CACNA1E: variants seen among roughly 807,000 people sequenced by gnomAD.
CACNA1E encodes the protein voltage-dependent R-type calcium channel subunit alpha-1E.
In CACNA1E, 40 loss-of-function variants were observed where a neutral mutation model predicts 259.2. The ratio of observed to expected loss-of-function variants is 0.15; its 90% confidence interval spans 0.12 to 0.20. The LOEUF is 0.20. Among genes scored for constraint, CACNA1E ranks in the 10% least tolerant of loss-of-function variants. CACNA1E has a pLI of 1.00. For missense variants in CACNA1E, 1,874 were observed against 3,040.1 expected (o/e 0.62, Z 9.02); for synonymous variants, 1,104 against 1,138.5 (o/e 0.97, Z 0.61).
At chr1:181,339,152 A>G (rs552030135) in intron 1 of CACNA1E, among the ~76,000 whole-genome samples, 47 of 152,254 alleles carry the variant, frequency 3.1e-4, no homozygotes, top group African/African-American at 1.0e-3. Context: ...AGGATCTTAT[A>G]TGATTCCATA....
At position 181,776,974 on chromosome 1, in the gene CACNA1E, C is replaced by T. The variant is rs1175450632; in HGVS notation, c.5267+746C>T. Among the ~76,000 whole-genome samples the T allele has an allele frequency of 2.0e-5, 3 of 152,166 alleles. No homozygotes were observed. On this transcript the variant is annotated intron_variant, in intron 38 of 47. Coordinates refer to ENST00000367573, the MANE Select transcript of CACNA1E (RefSeq NM_001205293.3). This position sits in a 1 kb window ranked among gnomAD's most constrained non-coding sequence, Gnocchi z 4.4. Reference sequence around the variant, plus strand: ...ATTGTCTCTGGCTGCTTACATACTACAAGGAAGAGGTGAGTGATTGTGACA... The same window carrying T: ...ATTGTCTCTGGCTGCTTACATACTATAAGGAAGAGGTGAGTGATTGTGACA...
At chr1:181,462,386 G>C (rs1661876760) in intron 2 of CACNA1E, among the ~76,000 whole-genome samples, 1 of 152,186 alleles carries the variant, frequency 6.6e-6, no homozygotes, top group African/African-American at 2.4e-5. Context: ...CAGTGAATGA[G>C]ATTGCACTCA....
At chr1:181,674,819 G>T (rs115316858) in intron 7 of CACNA1E, among the ~76,000 whole-genome samples, 1 of 152,156 alleles carries the variant, frequency 6.6e-6, no homozygotes, top group Admixed American at 6.5e-5. Context: ...GACCAAACAA[G>T]CATTTCACCT....
intron 2 of CACNA1E, among the ~76,000 whole-genome samples, chr1:181,433,590 AT>A (rs1156405844): frequency 6.6e-6 from 1 of 152,236 alleles, no homozygotes; most frequent in Non-Finnish European, 1.5e-5. Flanking sequence ...AAAATCACTC[AT>A]AATCCACTCA....
chr1:181,697,692 C>T (rs564867952), intron 7 of CACNA1E, among the ~76,000 whole-genome samples: 10 of 152,290 alleles, frequency 6.6e-5, no homozygotes, highest in Admixed American at 5.2e-4. Flanking sequence ...AAAATACAGC[C>T]ATCAATTTTT....
intron 2 of CACNA1E, among the ~76,000 whole-genome samples, chr1:181,415,034 T>A (rs1658160268): frequency 6.6e-6 from 1 of 152,152 alleles, no homozygotes; most frequent in Admixed American, 6.5e-5. Flanking sequence ...GAAAGACAAG[T>A]AGGAGGGAGT....
intron 1 of CACNA1E, among the ~76,000 whole-genome samples, chr1:181,376,625 T>C (rs1172122906): frequency 6.6e-6 from 1 of 152,170 alleles, no homozygotes; most frequent in Non-Finnish European, 1.5e-5. Flanking sequence ...TGGCTCCCAC[T>C]GTCTGTCTTG....
chr1:181,795,550 C>G (rs945968978), intron 46 of CACNA1E, among the ~76,000 whole-genome samples: 4 of 151,702 alleles, frequency 2.6e-5, no homozygotes, highest in African/African-American at 9.7e-5. Context: ...ACACCATTCT[C>G]CTGCCTCAGC....
chr1:181,328,240 C>T (rs1367920734), intron 1 of CACNA1E, among the ~76,000 whole-genome samples: 1 of 152,074 alleles, frequency 6.6e-6, no homozygotes, highest in Non-Finnish European at 1.5e-5. Context: ...TCGCTGTGTC[C>T]TCACATGGTG....
chr1:181,761,875 C>T (rs1658609573), intron 32 of CACNA1E, among the ~76,000 whole-genome samples: 1 of 152,176 alleles, frequency 6.6e-6, no homozygotes, highest in Non-Finnish European at 1.5e-5. Context: ...TCTCCTTCAG[C>T]CCACTCATTG....
intron 1 of CACNA1E, among the ~76,000 whole-genome samples, chr1:181,509,877 G>C (rs1666018677): frequency 1.3e-5 from 2 of 152,212 alleles, no homozygotes; most frequent in African/African-American, 4.8e-5. Flanking sequence ...CCTTCCCCCA[G>C]AAGTACATTG....
At chr1:181,796,484 C>A (rs1661814633) in intron 46 of CACNA1E, among the ~76,000 whole-genome samples, 184 bp from the exon 47 acceptor site, 1 of 152,162 alleles carries the variant, frequency 6.6e-6, no homozygotes, top group East Asian at 1.9e-4. Flanking sequence ...TGCCCTGCCT[C>A]CTAATACCAT....
At position 181,722,277 on chromosome 1, in the gene CACNA1E, AGT is replaced by A. The variant is rs1654481755; in HGVS notation, c.2074+405_2074+406del. Among the ~76,000 whole-genome samples, 4 of 152,240 alleles carry A rather than the reference AGT, an allele frequency of 2.6e-5. 1 individual carries two copies. The highest frequency in any genetic ancestry group is 9.6e-5 in the African/African-American group (4 of 41,466). On this transcript the variant is annotated intron_variant, in intron 16 of 47. Coordinates refer to ENST00000367573, the MANE Select transcript of CACNA1E (RefSeq NM_001205293.3). ...CCACATAGTAAGATCCCAAAAAATT[AGT>A]GTTAGGATTAATGCTATTACTGCTA...
chr1:181,706,674 G>A (rs1197739202), intron 7 of CACNA1E, among the ~76,000 whole-genome samples: 1 of 152,152 alleles, frequency 6.6e-6, no homozygotes, highest in Admixed American at 6.5e-5. Context: ...TCAACCTTGG[G>A]CTGAAATGAA....
chr1:181,456,981 C>A (rs77067740), intron 2 of CACNA1E, among the ~76,000 whole-genome samples: 1,839 of 152,294 alleles, frequency 0.012, 18 homozygotes, highest in Non-Finnish European at 0.019. Context: ...TGAGAAAAGT[C>A]AAGGGGTCTT....
At chr1:181,479,350 A>C (rs1663076592), upstream of CACNA1E, among the ~76,000 whole-genome samples, 3 of 152,336 alleles carry the variant, frequency 2.0e-5, no homozygotes, top group African/African-American at 7.2e-5. Context: ...GTGCTCTGAC[A>C]ACAGGAAAAT....
intron 18 of CACNA1E, among the ~76,000 whole-genome samples, chr1:181,728,855 AGGTGTGTGTGCATTTTGCTCG>A (rs1412216001): frequency 2.1e-4 from 31 of 146,756 alleles, no homozygotes; most frequent in African/African-American, 7.1e-4. Context: ...TACACTGCTC[AGGTGTGTGTGCATTTTGCTCG>A]GGTGTGTGTG....
intron 1 of CACNA1E, among the ~76,000 whole-genome samples, chr1:181,486,548 G>A (rs746491338): frequency 2.0e-4 from 31 of 152,198 alleles, no homozygotes; most frequent in Non-Finnish European, 3.1e-4. Flanking sequence ...AGTCTGGGTA[G>A]TGGTTGCCCA....
intron 2 of CACNA1E, among the ~76,000 whole-genome samples, chr1:181,432,069 C>T (rs1659754341): frequency 6.6e-6 from 1 of 151,912 alleles, no homozygotes; most frequent in Non-Finnish European, 1.5e-5. Context: ...GGAGTCAGCC[C>T]CCTTTGGAAG....
Sources: gnomAD v4.1 joint callset for allele counts (sites outside exome capture counted in the v4.1 genomes callset) on GRCh38, gnomAD v4.1.1 for gene constraint, Gnocchi (gnomAD v3.1) non-coding constraint, MANE v1.5 for transcripts, NCBI Gene and HGNC (gene_info 2026-07-23, HGNC 2026-07-21) for gene names.